The following KREMEN1 variants were observed in gnomAD, a reference collection of about 807,000 sequenced individuals.
KREMEN1 encodes kremen protein 1.
In KREMEN1, 30 loss-of-function variants were observed where a neutral mutation model predicts 46.5. The observed-to-expected ratio is 0.65, with a 90% CI of 0.48 to 0.88. The LOEUF is 0.88. KREMEN1 is among the 40% of genes least tolerant of loss of function. The probability of loss-of-function intolerance (pLI) is 0.00; values close to 1 mark genes in which losing one functional copy is unlikely to be tolerated. For missense variants in KREMEN1, 533 were observed against 596.9 expected (o/e 0.89, Z 1.11); for synonymous variants, 214 against 230.6 (o/e 0.93, Z 0.65).
chr22:29,149,169 C>CTTTTTTTTTTT (rs557993177), downstream of KREMEN1, among the ~76,000 whole-genome samples: 747 of 145,648 alleles, frequency 5.1e-3, 14 homozygotes, highest in African/African-American at 0.018. Context: ...ATAATGGCAC[C>CTTTTTTTTTTT]TTTTTTTTTT....
chr22:29,084,935 G>A (rs966686737), intron 1 of KREMEN1, among the ~76,000 whole-genome samples: 9 of 152,116 alleles, frequency 5.9e-5, no homozygotes, highest in African/African-American at 2.2e-4. Context: ...AAATGGAAAA[G>A]AAGATCTAAA....
downstream of KREMEN1, among the ~76,000 whole-genome samples, chr22:29,149,567 T>C (rs1045468683): frequency 1.3e-5 from 2 of 152,180 alleles, no homozygotes; most frequent in African/African-American, 4.8e-5. Flanking sequence ...ATATTTTTAA[T>C]GGCAGGAAAT....
chr22:29,162,013 G>A (rs1011729957), intron 9 of KREMEN1, among the ~76,000 whole-genome samples: 4 of 151,944 alleles, frequency 2.6e-5, no homozygotes, highest in Admixed American at 6.6e-5. Context: ...AGCTCCTCGG[G>A]AGGCTGAGGC....
At chr22:29,124,340 C>T (rs779932631) in intron 4 of KREMEN1, among the ~76,000 whole-genome samples, 1 of 152,106 alleles carries the variant, frequency 6.6e-6, no homozygotes, top group Non-Finnish European at 1.5e-5. Flanking sequence ...ATTTATGTGA[C>T]ATTTTCGAAA....
rs141079906 is a variant in KREMEN1, at chr22:29,165,292, C to T, written c.1417-1752C>T. Among the ~76,000 whole-genome samples, 689 of 152,072 alleles carry T rather than the reference C, an allele frequency of 4.5e-3. 8 individuals carry two copies. Among genetic ancestry groups the T allele is most frequent in the African/African-American group, 0.016 (657 of 41,484 alleles). ...CGATGTGGTAGTGTGTACTTGTAGT[C>T]CTCCGGAGGCTGAGACGGGAGATTC... On this transcript the variant is annotated intron_variant, in intron 9 of 9. Coordinates refer to the KREMEN1 transcript ENST00000327813.
At chr22:29,131,544 ATATATATATATATATATGTGTGTG>A (rs1353963065) in intron 5 of KREMEN1, among the ~76,000 whole-genome samples, 22 of 37,432 alleles carry the variant, frequency 5.9e-4, no homozygotes, top group Non-Finnish European at 9.3e-4. Context: ...ATATATATAT[ATATATATATATATATATGTGTGTG>A]TGTGTGTGTG....
intron 9 of KREMEN1, among the ~76,000 whole-genome samples, chr22:29,161,203 T>C (rs1324933119): frequency 6.6e-6 from 1 of 152,122 alleles, no homozygotes; most frequent in Non-Finnish European, 1.5e-5. Context: ...ATCAATATCA[T>C]GTTCAGAAAT....
chr22:29,157,033 GAC>G (rs1437320334), intron 9 of KREMEN1, among the ~76,000 whole-genome samples: 1 of 152,170 alleles, frequency 6.6e-6, no homozygotes, highest in African/African-American at 2.4e-5. Flanking sequence ...GGTAAAGATG[GAC>G]TGAACCCTTT....
At chr22:29,120,082 A>AACAG (rs376958409) in intron 3 of KREMEN1, among the ~76,000 whole-genome samples, 1 of 56,316 alleles carries the variant, frequency 1.8e-5, no homozygotes, top group Non-Finnish European at 3.0e-5. Flanking sequence ...TGATGAAGGA[A>AACAG]ATGGAGGAGG....
At position 29,142,507 on chromosome 22, in the gene KREMEN1, G is replaced by C; in HGVS notation, c.*395G>C. 1 of 995,174 alleles carries C rather than the reference G, an allele frequency of 1.0e-6. No individual in the cohort carries two copies. Among genetic ancestry groups the C allele is most frequent in the Non-Finnish European group, 1.2e-6 (1 of 836,706 alleles). 61.6% of individuals were successfully genotyped at this position (995,174 alleles called of 1,614,324 possible). A position where few individuals can be genotyped will look rare whatever the true frequency, so the allele number is the denominator to read the frequency against. The stretch of plus-strand genomic sequence containing the variant: ...GCTTTAGTTACATTGAATTTTTCTT[G>C]CTTCTCTATTTTTGTCCACACACAA... On this transcript the variant is annotated 3_prime_UTR_variant, in exon 9 of 9. Transcript: ENST00000400335.
chr22:29,106,522 C>T (rs74694720), intron 3 of KREMEN1, among the ~76,000 whole-genome samples: 4,567 of 152,158 alleles, frequency 0.03, 197 homozygotes, highest in African/African-American at 0.094. Flanking sequence ...TTCAACAATC[C>T]TATGAAGCAG....
rs1290906166 is a variant in KREMEN1 at position 29,073,454 on chromosome 22, A to T, written c.97+227A>T. ...GGGCCCGGTACTGTCCCCCGGCTGC[A>T]GGACCCGGTGCTCCTCAGCGACGCC... On this transcript the variant is annotated intron_variant, in intron 1 of 8. Transcript: ENST00000400335. The surrounding 1 kb of genome is among the most constrained non-coding windows in gnomAD (Gnocchi z 4.4). 6.6e-6 allele frequency among the ~76,000 whole-genome samples: 1 copy of T among 151,136 alleles called. No homozygotes were observed. The highest frequency in any genetic ancestry group is 1.5e-5 in the Non-Finnish European group (1 of 67,682).
rs577353298 is a variant in KREMEN1 at position 29,145,086 on chromosome 22, T to C, written c.*2974T>C. On this transcript the variant is annotated 3_prime_UTR_variant, in exon 9 of 9. Coordinates refer to ENST00000400335, the MANE Select transcript of KREMEN1 (RefSeq NM_001039570.3). ...ACTGGCTCCTGCCGCAGCCTGGCTATGGACTCAGTTAGAACCAGGTAGAAA... is the reference window on the plus strand; with the variant it reads ...ACTGGCTCCTGCCGCAGCCTGGCTACGGACTCAGTTAGAACCAGGTAGAAA... 5 of 985,660 alleles carry C rather than the reference T, an allele frequency of 5.1e-6. No individual in the cohort carries two copies. The African/African-American group carries it at 8.7e-5, about 17-fold the overall frequency. The allele number at this position is 985,660 out of a possible 1,614,324, so 61.1% of individuals were successfully genotyped here. A position where few individuals can be genotyped will look rare whatever the true frequency, so the allele number is the denominator to read the frequency against.
intron 1 of KREMEN1, among the ~76,000 whole-genome samples, chr22:29,075,694 AT>A (rs2037557411): frequency 6.6e-6 from 1 of 152,006 alleles, no homozygotes; most frequent in South Asian, 2.1e-4. Context: ...ATCCTTCCCA[AT>A]AAAACACACA....
chr22:29,104,801 G>A (rs1306159286), intron 3 of KREMEN1, among the ~76,000 whole-genome samples: 1 of 152,220 alleles, frequency 6.6e-6, no homozygotes, highest in Non-Finnish European at 1.5e-5. Flanking sequence ...GGCTGAGGTA[G>A]GAGAATCACT....
chr22:29,167,298 G>A (rs1376300237), exon 10 of KREMEN1: 1 of 609,444 alleles, frequency 1.6e-6, no homozygotes, highest in African/African-American at 1.8e-5. Flanking sequence ...GGTCGAGGCT[G>A]CAGTGAGCTA....
At chr22:29,106,381 C>A (rs539419026) in intron 3 of KREMEN1, among the ~76,000 whole-genome samples, 1 of 150,278 alleles carries the variant, frequency 6.7e-6, no homozygotes, top group Admixed American at 6.6e-5. Flanking sequence ...CCATCACGCC[C>A]AGCTAATTTT....
chr22:29,168,127 G>C (rs866174807), exon 10 of KREMEN1: 1 of 152,278 alleles, frequency 6.6e-6, no homozygotes, highest in African/African-American at 2.4e-5. Flanking sequence ...TTGAGGCCAG[G>C]AATTCGAGAC....
rs2038354524 is a variant in KREMEN1 at position 29,121,382 on chromosome 22, G to A, written c.378G>A (p.Lys126=). 6.2e-7 allele frequency: 1 copy of A among 1,613,910 alleles called. No homozygotes were observed. Among genetic ancestry groups the A allele is most frequent in the Non-Finnish European group, 8.5e-7 (1 of 1,179,962 alleles). Residue 126 remains lysine (K), a synonymous_variant, in exon 4 of 9, where the codon AAG becomes AAA. Coordinates refer to ENST00000400335, the MANE Select transcript of KREMEN1 (RefSeq NM_001039570.3). ...CQMPGNLGCY[K]DHGNPPPLTG... is the part of the protein sequence containing the mutation. Reference sequence around the variant, plus strand: ...TGCCTGGAAACCTTGGCTGCTACAAGGATCATGGAAACCCACCTCCTCTAA... The same window carrying A: ...TGCCTGGAAACCTTGGCTGCTACAAAGATCATGGAAACCCACCTCCTCTAA...
Sources: allele counts gnomAD v4.1 joint callset (sites outside exome capture counted in the v4.1 genomes callset), GRCh38; gene constraint gnomAD v4.1.1; non-coding constraint Gnocchi (gnomAD v3.1); transcripts MANE v1.5; gene names NCBI Gene and HGNC (gene_info 2026-07-23, HGNC 2026-07-21).